The following TTLL1 variants were observed in gnomAD, a reference collection of about 807,000 sequenced individuals.
TTLL1 encodes the protein TTL family tubulin polyglutamylase complex subunit L1, also known as polyglutamylase complex subunit TTLL1.
In TTLL1, 33 loss-of-function variants were observed where a neutral mutation model predicts 47.8. The ratio of observed to expected loss-of-function variants is 0.69; its 90% CI spans 0.52 to 0.92. TTLL1 has a LOEUF of 0.92. TTLL1 is among the 40% of genes least tolerant of loss of function. The pLI is 0.00. For synonymous variants in TTLL1, 225 were observed against 214.1 expected (o/e 1.05, Z -0.45); for missense variants, 488 against 547.5 (o/e 0.89, Z 1.08).
chr22:43,081,479 A>C (rs578063813), intron 1 of TTLL1, among the ~76,000 whole-genome samples: 3 of 152,228 alleles, frequency 2.0e-5, no homozygotes, highest in African/African-American at 7.2e-5. Flanking sequence ...TGTCTGAAAC[A>C]AGTACATGCA....
At chr22:43,046,324 A>G in intron 10 of TTLL1, 86 bp downstream of exon 10, 1 of 1,498,152 alleles carries the variant, frequency 6.7e-7, no homozygotes, top group Non-Finnish European at 9.2e-7. Context: ...AGGAGAATCC[A>G]CATATGCCCA....
At chr22:43,073,434 G>A (rs972306426) in intron 3 of TTLL1, among the ~76,000 whole-genome samples, 2 of 151,728 alleles carry the variant, frequency 1.3e-5, no homozygotes, top group South Asian at 2.1e-4. Context: ...TCAGCTCACT[G>A]CAACCTCTGC....
intron 3 of TTLL1, among the ~76,000 whole-genome samples, chr22:43,070,554 C>A (rs1799700332): frequency 6.6e-6 from 1 of 152,072 alleles, no homozygotes; most frequent in Non-Finnish European, 1.5e-5. Context: ...CAGCACCACC[C>A]TAGAGAGGGT....
chr22:43,079,195 C>T (rs1229571907), intron 2 of TTLL1, among the ~76,000 whole-genome samples: 1 of 116,482 alleles, frequency 8.6e-6, no homozygotes, highest in African/African-American at 3.2e-5. Flanking sequence ...ACGGGGACCA[C>T]GGGAGCCGCA....
chr22:43,089,217 C>G (rs910692059), intron 1 of TTLL1, 60 bp downstream of exon 1: 3 of 152,332 alleles, frequency 2.0e-5, no homozygotes, highest in East Asian at 1.9e-4. Context: ...CACTCGCCAG[C>G]CCGCGCGCAG....
chr22:43,040,134 T>C, intron 10 of TTLL1: 1 of 526,448 alleles, frequency 1.9e-6, no homozygotes, highest in Non-Finnish European at 3.4e-6. Flanking sequence ...AGCCTGCCTA[T>C]GTGTACAACC....
At chr22:43,039,990 G>T in intron 10 of TTLL1, 85 bp from the exon 11 acceptor site, 1 of 1,514,396 alleles carries the variant, frequency 6.6e-7, no homozygotes, top group South Asian at 1.2e-5. Flanking sequence ...TGGCAAATAT[G>T]ACATCACCCA....
At chr22:43,076,251 T>TGCC (rs1322409440) in intron 2 of TTLL1, among the ~76,000 whole-genome samples, 2,298 of 150,254 alleles carry the variant, frequency 0.015, 35 homozygotes, top group South Asian at 0.049. Context: ...AGGTTGGGAG[T>TGCC]TCAAGACCAG....
intron 2 of TTLL1, among the ~76,000 whole-genome samples, chr22:43,075,958 C>T (rs1385489883): frequency 6.6e-6 from 1 of 152,196 alleles, no homozygotes; most frequent in African/African-American, 2.4e-5. Flanking sequence ...TGTTCAACTG[C>T]AAGTGTGCCA....
At chr22:43,074,165 G>A (rs1220098746) in intron 3 of TTLL1, among the ~76,000 whole-genome samples, 1 of 151,736 alleles carries the variant, frequency 6.6e-6, no homozygotes, top group Admixed American at 6.6e-5. Flanking sequence ...AGTGGCTCAC[G>A]CCTGTAATCC....
rs199863536 is a variant in TTLL1, at chr22:43,072,330, AT to A, written c.114-2487del. On this transcript the variant is annotated intron_variant, in intron 3 of 10. Coordinates refer to ENST00000266254, the MANE Select transcript of TTLL1 (RefSeq NM_012263.5). ...CACCACGCCCGGATAATTTTTTTGT[AT>A]TTTTAGTAGAGATGAGGTTTCACTG... Among the ~76,000 whole-genome samples the A allele has an allele frequency of 6.2e-3, 940 of 151,388 alleles. 10 individuals carry two copies. The highest frequency in any genetic ancestry group is 0.022 in the African/African-American group (891 of 41,288).
At chr22:43,073,530 T>C (rs901789142) in intron 3 of TTLL1, among the ~76,000 whole-genome samples, 2 of 150,860 alleles carry the variant, frequency 1.3e-5, no homozygotes, top group African/African-American at 4.9e-5. Flanking sequence ...ATAATTTTTG[T>C]ATTTTTGTAG....
At chr22:43,087,523 CAAAAAAAA>C (rs888525930) in intron 1 of TTLL1, among the ~76,000 whole-genome samples, 2 of 83,626 alleles carry the variant, frequency 2.4e-5, no homozygotes, top group Non-Finnish European at 4.9e-5. Context: ...GACTCCATCT[CAAAAAAAA>C]AAAAAAAAAG....
At chr22:43,074,391 C>T (rs1219441662) in intron 3 of TTLL1, among the ~76,000 whole-genome samples, 2 of 137,912 alleles carry the variant, frequency 1.5e-5, no homozygotes, top group Non-Finnish European at 3.0e-5. Flanking sequence ...TGCCCCATGG[C>T]ACTCCAGTCT....
intron 10 of TTLL1, among the ~76,000 whole-genome samples, chr22:43,043,087 C>T (rs944955134): frequency 6.6e-6 from 1 of 151,856 alleles, no homozygotes; most frequent in Non-Finnish European, 1.5e-5. Flanking sequence ...ATTACAGGTG[C>T]CCACCACCAC....
chr22:43,059,469 A>C lies in TTLL1; in HGVS notation c.806T>G (p.Leu269Arg). The C allele has an allele frequency of 6.2e-7, 1 of 1,613,970 alleles. No homozygotes were observed. The highest frequency in any genetic ancestry group is 8.5e-7 in the Non-Finnish European group (1 of 1,179,972). ...KWTVSNLRLY[L>R]ESTRGKEVTS... ...CACCTCCTTGCCGCGGGTGCTCTCC[A>C]GGTAGAGCCGCAGGTTACTCACTGT... Residue 269 changes from leucine to arginine, a missense_variant, in exon 8 of 11, where the codon CTG becomes CGG. Coordinates refer to ENST00000266254, the MANE Select transcript of TTLL1 (RefSeq NM_012263.5).
chr22:43,064,175 C>T lies in TTLL1; in HGVS notation c.638+15G>A. 1 of 1,604,604 alleles carries T rather than the reference C, an allele frequency of 6.2e-7. No homozygotes were observed. Among genetic ancestry groups the T allele is most frequent in the Non-Finnish European group, 8.5e-7 (1 of 1,177,488 alleles). On this transcript the variant is annotated intron_variant, in intron 6 of 10. Coordinates refer to ENST00000266254, the MANE Select transcript of TTLL1 (RefSeq NM_012263.5). Reference sequence around the variant, plus strand: ...AACACAATCAAGAGGGAACCAAAACCTTAGGGACGCTTACATGTAACAGCG... The same window carrying T: ...AACACAATCAAGAGGGAACCAAAACTTTAGGGACGCTTACATGTAACAGCG...
At chr22:43,089,131 G>A (rs545386200) in intron 1 of TTLL1, 146 bp downstream of exon 1, 1 of 152,342 alleles carries the variant, frequency 6.6e-6, no homozygotes, top group African/African-American at 2.4e-5. Context: ...TGGAGGACGC[G>A]GATCCGGCAA....
intron 2 of TTLL1, among the ~76,000 whole-genome samples, chr22:43,076,158 CGTAA>C (rs1569444540): frequency 2.6e-5 from 4 of 152,256 alleles, no homozygotes; most frequent in South Asian, 2.1e-4. Flanking sequence ...GCAGAGTGAC[CGTAA>C]GTGTTTATCT....
Sources: gnomAD v4.1 joint callset for allele counts (sites outside exome capture counted in the v4.1 genomes callset) on GRCh38, gnomAD v4.1.1 for gene constraint, MANE v1.5 for transcripts, NCBI Gene and HGNC (gene_info 2026-07-23, HGNC 2026-07-21) for gene names.